Variants in NBEA observed in about 807,000 individuals in gnomAD.
NBEA encodes the protein neurobeachin.
In NBEA, 44 loss-of-function variants were observed where a neutral mutation model predicts 343.4. The observed-to-expected ratio is 0.13, with a 90% CI of 0.10 to 0.16. The LOEUF (loss-of-function observed/expected upper bound fraction) is 0.16. NBEA is among the 10% of genes least tolerant of loss of function. The probability of loss-of-function intolerance (pLI) is 1.00; values close to 1 mark genes in which losing one functional copy is unlikely to be tolerated. For missense variants in NBEA, 2,555 were observed against 3,631.3 expected (o/e 0.70, Z 7.62); for synonymous variants, 1,175 against 1,238.7 (o/e 0.95, Z 1.08).
rs531834761 is a variant in NBEA, at chr13:35,672,013, A to G, written c.*1022A>G. 5.2e-5 allele frequency: 8 copies of G among 152,632 alleles called. 1 individual carries two copies. Among genetic ancestry groups the G allele is most frequent in the Admixed American group, 5.2e-4 (8 of 15,300 alleles). 9.5% of individuals were successfully genotyped at this position (152,632 alleles called of 1,614,324 possible). ...AGCTTAGTTTCTTTAATAACAAGTC[A>G]AACTTTATTACAACAATAACTGAAG... On this transcript the variant is annotated 3_prime_UTR_variant, in exon 59 of 59. Transcript: ENST00000379939.
In NBEA at chr13:35,622,315, C is replaced by T. The variant is rs79000139; in HGVS notation, c.7450-5766C>T. Among the ~76,000 whole-genome samples the T allele has an allele frequency of 1.6e-3, 251 of 152,190 alleles. 4 individuals carry two copies. In the East Asian group the frequency reaches 0.044, roughly 27 times the overall value. On this transcript the variant is annotated intron_variant, in intron 48 of 58. Coordinates refer to ENST00000379939, the MANE Select transcript of NBEA (RefSeq NM_001385012.1). ...ATGGAGGTTTGAAAGGCCTGAGTCA[C>T]ATAGGTTATGCTGGGAGGAGCAGTG...
intron 41 of NBEA, among the ~76,000 whole-genome samples, chr13:35,549,086 A>G (rs1488976996): frequency 1.3e-5 from 2 of 152,310 alleles, no homozygotes; most frequent in Middle Eastern, 3.4e-3. Flanking sequence ...AGCAGAGCCA[A>G]GAGTTAAGTA....
intron 41 of NBEA, among the ~76,000 whole-genome samples, chr13:35,498,350 A>C (rs2076761890): frequency 6.6e-6 from 1 of 152,028 alleles, no homozygotes; most frequent in African/African-American, 2.4e-5. Context: ...TCCCTAGGCA[A>C]ATGGGTTCCT....
At chr13:35,643,586 G>T (rs2153074918) in intron 49 of NBEA, among the ~76,000 whole-genome samples, 1 of 152,268 alleles carries the variant, frequency 6.6e-6, no homozygotes, top group East Asian at 1.9e-4. Context: ...ATCCTGACCT[G>T]CAGAGATTCA....
rs1302274354 is a variant in NBEA, at chr13:35,048,566, A to G, written c.727A>G (p.Ile243Val). ...ACCTTTTCTCATTGCCTTGTAGGCA[A>G]TTGCCTTGCCTCCTATTGCAAAGTG... ...FNFPGCSAAAIALPPIAKWPY... is the reference protein window; with the variant it reads ...FNFPGCSAAAVALPPIAKWPY... Residue 243 changes from isoleucine to valine, a missense_variant, in exon 5 of 59, where the codon ATT (isoleucine) becomes GTT (valine). Ile to Val is a conservative substitution (Grantham distance 29). Coordinates refer to ENST00000379939, the MANE Select transcript of NBEA (RefSeq NM_001385012.1). 1 of 1,607,674 alleles carries G rather than the reference A, an allele frequency of 6.2e-7. No homozygotes were observed. Among genetic ancestry groups the G allele is most frequent in the Non-Finnish European group, 8.5e-7 (1 of 1,176,368 alleles).
At chr13:35,464,777 C>T (rs2047081058) in intron 40 of NBEA, among the ~76,000 whole-genome samples, 1 of 152,144 alleles carries the variant, frequency 6.6e-6, no homozygotes, top group Non-Finnish European at 1.5e-5. Flanking sequence ...CCCTTTCTTC[C>T]TTATGTCATA....
intron 38 of NBEA, among the ~76,000 whole-genome samples, chr13:35,416,584 G>A (rs549885205): frequency 3.9e-5 from 6 of 152,314 alleles, no homozygotes. Context: ...CAGGGATGAA[G>A]CCAACTTGAT....
At chr13:35,044,829 T>TATAG (rs750634766) in intron 2 of NBEA, 118 bp from the exon 3 acceptor site, 53 of 381,940 alleles carry the variant, frequency 1.4e-4, no homozygotes, top group Admixed American at 2.3e-4. Flanking sequence ...TATATATATA[T>TATAG]AGAGAGAGAG....
chr13:35,535,796 A>G (rs894587480), intron 41 of NBEA, among the ~76,000 whole-genome samples: 7 of 152,174 alleles, frequency 4.6e-5, no homozygotes, highest in South Asian at 2.1e-4. Context: ...CCACTACAGC[A>G]TGGCATACAG....
intron 30 of NBEA, among the ~76,000 whole-genome samples, chr13:35,190,189 T>A (rs1411407031): frequency 1.3e-5 from 2 of 152,204 alleles, no homozygotes; most frequent in Non-Finnish European, 2.9e-5. Flanking sequence ...GAGAAAAGCC[T>A]GTCTCCAAGG....
intron 41 of NBEA, among the ~76,000 whole-genome samples, chr13:35,512,735 C>G (rs1339969167): frequency 6.6e-6 from 1 of 152,176 alleles, no homozygotes; most frequent in Non-Finnish European, 1.5e-5. Flanking sequence ...CTGACTCATT[C>G]TACTCCTATT....
intron 24 of NBEA, among the ~76,000 whole-genome samples, chr13:35,168,051 T>A (rs2070173845): frequency 6.6e-6 from 1 of 151,812 alleles, no homozygotes; most frequent in Non-Finnish European, 1.5e-5. Flanking sequence ...GTCTTAATTT[T>A]AGTTTATTTT....
intron 35 of NBEA, among the ~76,000 whole-genome samples, chr13:35,305,049 C>G (rs946872387): frequency 2.0e-5 from 3 of 152,158 alleles, no homozygotes; most frequent in Non-Finnish European, 4.4e-5. Flanking sequence ...AGCATTTCCC[C>G]ACTATAGCCA....
At chr13:35,600,638 A>T (rs987501837) in intron 47 of NBEA, among the ~76,000 whole-genome samples, 1 of 152,190 alleles carries the variant, frequency 6.6e-6, no homozygotes, top group Non-Finnish European at 1.5e-5. Context: ...TAATCCTCAC[A>T]TCTACCCTAA....
chr13:35,087,268 C>G (rs898065961), intron 10 of NBEA, among the ~76,000 whole-genome samples: 1 of 151,664 alleles, frequency 6.6e-6, no homozygotes, highest in Non-Finnish European at 1.5e-5. Flanking sequence ...GAAAACACTT[C>G]AAGATATTGA....
chr13:35,208,087 G>T (rs1054992487), intron 31 of NBEA, among the ~76,000 whole-genome samples: 6 of 152,074 alleles, frequency 3.9e-5, no homozygotes, highest in African/African-American at 1.4e-4. Flanking sequence ...GAGTGTGGTG[G>T]CACGTAGCTG....
intron 10 of NBEA, among the ~76,000 whole-genome samples, chr13:35,076,668 A>C (rs573758408): frequency 2.0e-5 from 3 of 152,156 alleles, no homozygotes; most frequent in Admixed American, 2.0e-4. Context: ...CTTTTTGGCA[A>C]TAAGATTAAC....
At chr13:35,603,169 T>G (rs1038812636) in intron 47 of NBEA, among the ~76,000 whole-genome samples, 1 of 152,192 alleles carries the variant, frequency 6.6e-6, no homozygotes, top group Non-Finnish European at 1.5e-5. Context: ...TTCCCCATCT[T>G]GAGGCATTTT....
chr13:35,008,950 G>A (rs2061401278), intron 1 of NBEA, among the ~76,000 whole-genome samples: 1 of 152,092 alleles, frequency 6.6e-6, no homozygotes, highest in South Asian at 2.1e-4. Flanking sequence ...TTTACAGTGG[G>A]CATTTATCTT....
Sources: allele counts gnomAD v4.1 joint callset (sites outside exome capture counted in the v4.1 genomes callset), GRCh38; gene constraint gnomAD v4.1.1; transcripts MANE v1.5; gene names NCBI Gene and HGNC (gene_info 2026-07-23, HGNC 2026-07-21).